WDR44: variants seen among roughly 807,000 people sequenced by gnomAD.
The protein encoded by WDR44 is WD repeat domain 44.
A neutral mutation model predicts 65.7 loss-of-function variants in WDR44; 9 were observed. The observed-to-expected ratio is 0.14, with a 90% CI of 0.08 to 0.24. WDR44 has a LOEUF of 0.24. Among genes scored for constraint, WDR44 ranks in the 10% least tolerant of loss-of-function variants. The probability of loss-of-function intolerance (pLI) is 1.00; values close to 1 mark genes in which losing one functional copy is unlikely to be tolerated. For synonymous variants in WDR44, 220 were observed against 235.2 expected (o/e 0.94, Z 0.59); for missense variants, 425 against 670.9 (o/e 0.63, Z 4.05).
chrX:118,384,646 G>A (rs1453761882), intron 2 of WDR44, among the ~76,000 whole-genome samples: 2 of 111,753 alleles, frequency 1.8e-5, no homozygotes, highest in Admixed American at 1.9e-4. Context: ...CTTAGGATTT[G>A]CCTTGGCTAT....
At chrX:118,365,141 C>A (rs922297248) in intron 1 of WDR44, among the ~76,000 whole-genome samples, 1 of 111,957 alleles carries the variant, frequency 8.9e-6, no homozygotes, top group South Asian at 3.7e-4. Context: ...ATTCCCCTTG[C>A]TCTGGACATG....
chrX:118,361,313 C>T (rs1432869685), intron 1 of WDR44, among the ~76,000 whole-genome samples: 1 of 111,966 alleles, frequency 8.9e-6, no homozygotes, highest in African/African-American at 3.2e-5. Context: ...TTTAAATAAT[C>T]TTCGGGTAAG....
intron 11 of WDR44, 135 bp from the exon 12 acceptor site, chrX:118,410,760 A>C (rs2057006234): frequency 1.7e-5 from 9 of 521,453 alleles, no homozygotes; most frequent in Non-Finnish European, 2.5e-5. Context: ...TTATGCCTCA[A>C]TTGTTAGTAT....
intron 1 of WDR44, among the ~76,000 whole-genome samples, chrX:118,376,263 T>C (rs967345737): frequency 9.3e-6 from 1 of 106,990 alleles, no homozygotes; most frequent in African/African-American, 3.5e-5. Flanking sequence ...AGTAAAGGGA[T>C]TGATTTTCTG....
intron 2 of WDR44, among the ~76,000 whole-genome samples, chrX:118,379,586 A>G (rs552290265): frequency 9.0e-6 from 1 of 111,564 alleles, no homozygotes; most frequent in South Asian, 3.8e-4. Context: ...TAGAGATACA[A>G]GCGTGGTAAA....
At chrX:118,441,651 ACT>A in intron 15 of WDR44, 92 bp downstream of exon 15, 1 of 754,822 alleles carries the variant, frequency 1.3e-6, no homozygotes, top group Non-Finnish European at 1.9e-6. Context: ...CTGGGCTTTA[ACT>A]GCATTTTCTC....
chrX:118,411,509 A>G (rs1490290357), intron 12 of WDR44, among the ~76,000 whole-genome samples: 1 of 111,704 alleles, frequency 9.0e-6, no homozygotes, highest in African/African-American at 3.2e-5. Flanking sequence ...GATATAAACA[A>G]GAGAACCTAA....
At chrX:118,389,502 C>A (rs1192064241) in intron 3 of WDR44, among the ~76,000 whole-genome samples, 1 of 110,396 alleles carries the variant, frequency 9.1e-6, no homozygotes, top group East Asian at 2.9e-4. Flanking sequence ...AGGCGGATCA[C>A]CTGAGGTCGG....
At chrX:118,408,085 C>A (rs2056982614) in intron 10 of WDR44, among the ~76,000 whole-genome samples, 1 of 112,128 alleles carries the variant, frequency 8.9e-6, no homozygotes, top group Non-Finnish European at 1.9e-5. Context: ...AATAAAATCT[C>A]ATCGTAGTAG....
At chrX:118,411,440 T>C in intron 12 of WDR44, among the ~76,000 whole-genome samples, 1 of 112,269 alleles carries the variant, frequency 8.9e-6, no homozygotes, top group Middle Eastern at 4.6e-3. Context: ...TAAAGCAGAA[T>C]ACACAATATT....
chrX:118,354,723 G>A (rs886299167), intron 1 of WDR44, among the ~76,000 whole-genome samples: 1 of 111,635 alleles, frequency 9.0e-6, no homozygotes, highest in South Asian at 3.7e-4. Context: ...ATCCTATACA[G>A]AACAAGCCAT....
At chrX:118,443,796 G>A in intron 18 of WDR44, 109 bp downstream of exon 18, 1 of 845,581 alleles carries the variant, frequency 1.2e-6, no homozygotes, top group East Asian at 3.6e-5. Context: ...TGTAATCCCA[G>A]CACTTTGGGA....
chrX:118,364,557 T>A (rs915111301), intron 1 of WDR44, among the ~76,000 whole-genome samples: 7 of 112,474 alleles, frequency 6.2e-5, no homozygotes, highest in African/African-American at 1.9e-4. Context: ...TCTCACCCTT[T>A]GTATTTCAAT....
At chrX:118,414,514 A>G (rs1484654968) in intron 12 of WDR44, among the ~76,000 whole-genome samples, 1 of 111,300 alleles carries the variant, frequency 9.0e-6, no homozygotes, top group Non-Finnish European at 1.9e-5. Context: ...ATCCATGAGC[A>G]TGGGATGTGT....
At chrX:118,349,921 T>C (rs1336365658) in intron 1 of WDR44, among the ~76,000 whole-genome samples, 1 of 109,106 alleles carries the variant, frequency 9.2e-6, no homozygotes, top group Non-Finnish European at 1.9e-5. Context: ...GAACTGGGAT[T>C]TGAAACCAGC....
chrX:118,388,525 C>T (rs905268993), intron 3 of WDR44, among the ~76,000 whole-genome samples: 2 of 111,438 alleles, frequency 1.8e-5, no homozygotes, highest in Non-Finnish European at 3.8e-5. Flanking sequence ...AGGCAATCCA[C>T]CCACCTCAGC....
chrX:118,440,011 T>C (rs1040466214), intron 14 of WDR44, among the ~76,000 whole-genome samples: 4 of 105,984 alleles, frequency 3.8e-5, no homozygotes, highest in African/African-American at 1.4e-4. Context: ...TCCCAACTAC[T>C]TGGGAGGCTG....
intron 16 of WDR44, 92 bp from the exon 17 acceptor site, chrX:118,442,472 AT>A: frequency 2.2e-6 from 2 of 928,575 alleles, no homozygotes; most frequent in Non-Finnish European, 3.1e-6. Context: ...TTTGAGGTAT[AT>A]TAGTTTGTAT....
At chrX:118,403,824 T>A (rs186768744) in intron 8 of WDR44, among the ~76,000 whole-genome samples, 16 of 112,052 alleles carry the variant, frequency 1.4e-4, no homozygotes, top group Admixed American at 1.3e-3. Context: ...TCAGCCTAAT[T>A]TTATTACATG....
Sources: allele counts gnomAD v4.1 joint callset (sites outside exome capture counted in the v4.1 genomes callset), GRCh38; gene constraint gnomAD v4.1.1; transcripts MANE v1.5; gene names NCBI Gene and HGNC (gene_info 2026-07-23, HGNC 2026-07-21).